Variants in MECOM observed in about 807,000 individuals in gnomAD.
MECOM encodes histone-lysine N-methyltransferase MECOM.
MECOM carries 13 observed loss-of-function variants against 116.3 expected under a neutral mutation model. The observed-to-expected ratio is 0.11, with a 90% CI of 0.07 to 0.18. The LOEUF is 0.18. MECOM is among the 10% of genes least tolerant of loss of function. The pLI is 1.00. For missense variants in MECOM, 1,299 were observed against 1,509.0 expected (o/e 0.86, Z 2.31); for synonymous variants, 528 against 535.2 (o/e 0.99, Z 0.19).
intron 2 of MECOM, among the ~76,000 whole-genome samples, chr3:169,184,294 A>C (rs1212476004): frequency 2.0e-5 from 3 of 152,122 alleles, no homozygotes; most frequent in African/African-American, 7.2e-5. Context: ...AAGAAGAATA[A>C]ACGTGACCAT....
chr3:169,107,670 G>A (rs980308953), intron 10 of MECOM, among the ~76,000 whole-genome samples: 3 of 152,134 alleles, frequency 2.0e-5, no homozygotes, highest in East Asian at 1.9e-4. Flanking sequence ...AAAGAGCTCC[G>A]TATCAAGGTA....
intron 2 of MECOM, among the ~76,000 whole-genome samples, chr3:169,374,674 A>G (rs1009468813): frequency 1.3e-5 from 2 of 151,936 alleles, no homozygotes; most frequent in East Asian, 1.9e-4. Flanking sequence ...GATAACCCTC[A>G]TCTTTAATAA....
At chr3:169,447,290 T>C (rs775395945) in intron 1 of MECOM, among the ~76,000 whole-genome samples, 1 of 152,142 alleles carries the variant, frequency 6.6e-6, no homozygotes, top group African/African-American at 2.4e-5. Context: ...AAAATGCACC[T>C]TCTCATTCAG....
chr3:169,166,888 T>C (rs574208597), intron 2 of MECOM, among the ~76,000 whole-genome samples: 16 of 152,292 alleles, frequency 1.1e-4, no homozygotes, highest in African/African-American at 3.8e-4. Flanking sequence ...ACTTGGCCCT[T>C]TTTTTATTAC....
At chr3:169,338,135 T>C (rs142719088) in intron 2 of MECOM, among the ~76,000 whole-genome samples, 2 of 151,918 alleles carry the variant, frequency 1.3e-5, no homozygotes, top group South Asian at 2.1e-4. Flanking sequence ...TACAGCCTTA[T>C]AGACTCCCTC....
chr3:169,564,850 C>T (rs774029277), intron 1 of MECOM, among the ~76,000 whole-genome samples: 1 of 152,186 alleles, frequency 6.6e-6, no homozygotes, highest in African/African-American at 2.4e-5. Context: ...GACACACATA[C>T]TCACAGAGCC....
At chr3:169,189,685 A>C (rs1360339016) in intron 2 of MECOM, among the ~76,000 whole-genome samples, 1 of 152,072 alleles carries the variant, frequency 6.6e-6, no homozygotes, top group Admixed American at 6.6e-5. Flanking sequence ...GTTATTCGTA[A>C]TCATGCCTTA....
At chr3:169,369,975 C>T (rs1006669903) in intron 2 of MECOM, among the ~76,000 whole-genome samples, 6 of 151,932 alleles carry the variant, frequency 3.9e-5, no homozygotes, top group African/African-American at 1.2e-4. Flanking sequence ...ACCATTAAGA[C>T]TTCACTTCTT....
At chr3:169,419,865 A>C (rs1700761559) in intron 1 of MECOM, among the ~76,000 whole-genome samples, 3 of 152,222 alleles carry the variant, frequency 2.0e-5, no homozygotes. Flanking sequence ...TCCATCTGAC[A>C]AAGGCCTAAT....
chr3:169,210,986 T>C (rs1377985597), intron 2 of MECOM, among the ~76,000 whole-genome samples: 1 of 152,190 alleles, frequency 6.6e-6, no homozygotes, highest in Non-Finnish European at 1.5e-5. Context: ...TTCTAGTACA[T>C]GAAAATATCA....
At chr3:169,401,905 G>T (rs57688701) in intron 1 of MECOM, among the ~76,000 whole-genome samples, 3,061 of 152,280 alleles carry the variant, frequency 0.02, 88 homozygotes, top group African/African-American at 0.069. Flanking sequence ...ATACCCTAGA[G>T]CTTGGCCTTC....
chr3:169,129,886 A>C (rs190546278), intron 4 of MECOM, among the ~76,000 whole-genome samples: 7 of 152,324 alleles, frequency 4.6e-5, no homozygotes, highest in African/African-American at 1.7e-4. Context: ...CACAGGTTCT[A>C]TGCATAAAAG....
chr3:169,580,417 T>C (rs1397531649), intron 1 of MECOM, among the ~76,000 whole-genome samples: 2 of 152,180 alleles, frequency 1.3e-5, no homozygotes, highest in African/African-American at 2.4e-5. Flanking sequence ...CTACTCACAG[T>C]CTTGATCCTT....
chr3:169,090,903 T>C (rs1031950011), intron 14 of MECOM, among the ~76,000 whole-genome samples: 15 of 152,054 alleles, frequency 9.9e-5, no homozygotes, highest in African/African-American at 3.6e-4. Flanking sequence ...AGCTCAGGTA[T>C]TACAATGTAC....
At chr3:169,116,991 T>C (rs1192166130) in intron 7 of MECOM, among the ~76,000 whole-genome samples, 1 of 152,266 alleles carries the variant, frequency 6.6e-6, no homozygotes, top group East Asian at 1.9e-4. Context: ...GTCACCCCCT[T>C]GTGCAATATT....
intron 1 of MECOM, among the ~76,000 whole-genome samples, chr3:169,637,504 A>T (rs1166040740): frequency 6.6e-6 from 1 of 152,190 alleles, no homozygotes; most frequent in South Asian, 2.1e-4. Context: ...CTTACAGCCA[A>T]GTTGTCCCGG....
intron 1 of MECOM, among the ~76,000 whole-genome samples, chr3:169,405,247 T>C (rs1039144589): frequency 6.6e-6 from 1 of 150,978 alleles, no homozygotes; most frequent in Non-Finnish European, 1.5e-5. Flanking sequence ...CCCTCCCTCC[T>C]TCTCTCTCTC....
At chr3:169,550,580 G>A (rs2109300445) in intron 1 of MECOM, among the ~76,000 whole-genome samples, 1 of 152,312 alleles carries the variant, frequency 6.6e-6, no homozygotes, top group East Asian at 1.9e-4. Context: ...ACCTGCTTGT[G>A]CTTAAGAAAT....
chr3:169,266,506 T>C (rs2149635649), intron 2 of MECOM, among the ~76,000 whole-genome samples: 1 of 152,304 alleles, frequency 6.6e-6, no homozygotes, highest in East Asian at 1.9e-4. Flanking sequence ...GAAGTCAGCA[T>C]CAGTATTTGT....
Sources: allele counts gnomAD v4.1 joint callset (sites outside exome capture counted in the v4.1 genomes callset), GRCh38; gene constraint gnomAD v4.1.1; transcripts MANE v1.5; gene names NCBI Gene and HGNC (gene_info 2026-07-23, HGNC 2026-07-21).